Variants in ALK observed in about 807,000 individuals in gnomAD.
ALK encodes ALK receptor tyrosine kinase.
ALK carries 74 observed loss-of-function variants against 163.1 expected under a neutral mutation model. The ratio of observed to expected loss-of-function variants is 0.45; its 90% CI spans 0.38 to 0.55. The LOEUF (loss-of-function observed/expected upper bound fraction) is 0.55, where lower values mean the gene tolerates loss of function less well. Ranked by LOEUF, ALK falls within the 20% of genes least tolerant of loss-of-function variation. The pLI is 0.00. For missense variants in ALK, 2,063 were observed against 2,105.3 expected (o/e 0.98, Z 0.39); for synonymous variants, 960 against 843.2 (o/e 1.14, Z -2.40).
At position 29,625,785 on chromosome 2, in the gene ALK, G is replaced by C. The variant is rs115269424; in HGVS notation, c.952+69065C>G. 3.8e-3 allele frequency among the ~76,000 whole-genome samples: 582 copies of C among 152,308 alleles called. 1 individual carries two copies. Among genetic ancestry groups the C allele is most frequent in the African/African-American group, 0.013 (524 of 41,564 alleles). ...GCTAACCTCTGCCTGCTGCTGGAGG[G>C]CCAGGCTCTGGAGATACTGAGAGGA... is the stretch of plus-strand genomic sequence containing the variant. On this transcript the variant is annotated intron_variant, in intron 3 of 28. Coordinates refer to ENST00000389048, the MANE Select transcript of ALK (RefSeq NM_004304.5).
At chr2:29,355,696 A>T (rs1490990057) in intron 5 of ALK, among the ~76,000 whole-genome samples, 1 of 152,206 alleles carries the variant, frequency 6.6e-6, no homozygotes, top group African/African-American at 2.4e-5. Context: ...AACTGTCAGA[A>T]GTGCTGCCTT....
intron 23 of ALK, among the ~76,000 whole-genome samples, chr2:29,218,956 C>A (rs1223570056): frequency 6.6e-6 from 1 of 152,226 alleles, no homozygotes; most frequent in Non-Finnish European, 1.5e-5. Flanking sequence ...TAGTTTACAG[C>A]TTCCCAGAGG....
rs1318821301 is a variant in ALK, at chr2:29,919,966, C to T, written c.667+27G>A. On this transcript the variant is annotated intron_variant, in intron 1 of 28. Transcript: ENST00000389048. Reference sequence around the variant, plus strand: ...CAATGTGACTAAAAACACTAAATCCCGGCACACTCAGGCGGGAGCTGCTCA... The same window carrying T: ...CAATGTGACTAAAAACACTAAATCCTGGCACACTCAGGCGGGAGCTGCTCA... 8.1e-6 allele frequency: 13 copies of T among 1,609,852 alleles called. No individual in the cohort carries two copies. In the Admixed American group the frequency reaches 1.3e-4, roughly 17 times the overall value.
intron 3 of ALK, among the ~76,000 whole-genome samples, chr2:29,690,942 C>A (rs925859330): frequency 6.6e-6 from 1 of 152,148 alleles, no homozygotes; most frequent in African/African-American, 2.4e-5. Flanking sequence ...CCACCAGCAC[C>A]CTTTCTGCCA....
intron 4 of ALK, among the ~76,000 whole-genome samples, chr2:29,398,680 G>A (rs1028414969): frequency 6.6e-6 from 1 of 151,930 alleles, no homozygotes; most frequent in Non-Finnish European, 1.5e-5. Context: ...CTGGGCAGGA[G>A]AGCAGGACCC....
chr2:29,655,951 G>A (rs1011791622), intron 3 of ALK, among the ~76,000 whole-genome samples: 1 of 152,086 alleles, frequency 6.6e-6, no homozygotes, highest in South Asian at 2.1e-4. Flanking sequence ...GCTACTAAAT[G>A]CCTGTGTCCA....
At chr2:29,633,579 T>C (rs1184639724) in intron 3 of ALK, among the ~76,000 whole-genome samples, 1 of 150,002 alleles carries the variant, frequency 6.7e-6, no homozygotes. Context: ...GAGAAAAAAA[T>C]CAATGAAATT....
At chr2:29,419,975 A>G (rs1341041000) in intron 4 of ALK, among the ~76,000 whole-genome samples, 2 of 151,218 alleles carry the variant, frequency 1.3e-5, no homozygotes, top group Admixed American at 1.3e-4. Flanking sequence ...CCTGGGCAAC[A>G]TGGCAAAACC....
intron 1 of ALK, among the ~76,000 whole-genome samples, chr2:29,743,192 G>T (rs1450165239): frequency 1.3e-5 from 2 of 152,174 alleles, no homozygotes; most frequent in African/African-American, 4.8e-5. Context: ...TATTGATAAT[G>T]CATAAGCTAG....
intron 26 of ALK, among the ~76,000 whole-genome samples, chr2:29,205,287 G>GCTGT (rs3028217): frequency 0.024 from 3,625 of 152,044 alleles, 145 homozygotes; most frequent in African/African-American, 0.083. Context: ...TTGATTCTTG[G>GCTGT]CTGTCTGTTC....
chr2:29,223,027 A>C (rs1669849944), intron 20 of ALK, among the ~76,000 whole-genome samples: 1 of 152,130 alleles, frequency 6.6e-6, no homozygotes, highest in Non-Finnish European at 1.5e-5. Context: ...CTAGATGCTC[A>C]GAGGAGGGGC....
intron 1 of ALK, among the ~76,000 whole-genome samples, chr2:29,913,656 G>A (rs965362681): frequency 1.3e-5 from 2 of 152,110 alleles, no homozygotes; most frequent in Non-Finnish European, 1.5e-5. Context: ...GCTCAGCTAT[G>A]GTTCATAGAA....
At chr2:29,717,094 C>A (rs1289656610) in intron 2 of ALK, among the ~76,000 whole-genome samples, 3 of 146,526 alleles carry the variant, frequency 2.0e-5, no homozygotes, top group Non-Finnish European at 4.5e-5. Flanking sequence ...ATGGTGTGAA[C>A]CCAGGAGGCG....
At chr2:29,256,621 T>C (rs1408260991) in intron 11 of ALK, among the ~76,000 whole-genome samples, 1 of 151,846 alleles carries the variant, frequency 6.6e-6, no homozygotes, top group South Asian at 2.1e-4. Flanking sequence ...TTTTTTTTTT[T>C]CTTTTGAAAT....
chr2:29,506,152 G>A (rs1672314200), intron 4 of ALK, among the ~76,000 whole-genome samples: 1 of 152,196 alleles, frequency 6.6e-6, no homozygotes, highest in South Asian at 2.1e-4. Flanking sequence ...TAGTTTTCTG[G>A]TGGCAAGAGG....
chr2:29,337,187 G>A (rs1019181070), intron 5 of ALK, among the ~76,000 whole-genome samples: 3 of 152,234 alleles, frequency 2.0e-5, no homozygotes, highest in Admixed American at 6.5e-5. Context: ...GCAGAGACCA[G>A]TCCTGCTGAG....
At chr2:29,618,043 C>T (rs755283427) in intron 3 of ALK, among the ~76,000 whole-genome samples, 47 of 152,190 alleles carry the variant, frequency 3.1e-4, no homozygotes, top group Non-Finnish European at 6.3e-4. Flanking sequence ...CACATCCCTC[C>T]GTAGCTTTCC....
intron 9 of ALK, among the ~76,000 whole-genome samples, chr2:29,290,252 T>C (rs1293105830): frequency 6.6e-6 from 1 of 152,188 alleles, no homozygotes; most frequent in Non-Finnish European, 1.5e-5. Flanking sequence ...ACATCTACCC[T>C]AGCTGCTCAG....
At chr2:29,203,088 T>G (rs1459099962) in intron 26 of ALK, among the ~76,000 whole-genome samples, 2 of 152,172 alleles carry the variant, frequency 1.3e-5, no homozygotes, top group African/African-American at 4.8e-5. Flanking sequence ...CCCCTAGAGT[T>G]TCTGTTGTAT....
Sources: allele counts gnomAD v4.1 joint callset (sites outside exome capture counted in the v4.1 genomes callset), GRCh38; gene constraint gnomAD v4.1.1; transcripts MANE v1.5; gene names NCBI Gene and HGNC (gene_info 2026-07-23, HGNC 2026-07-21).